The following KIAA0825 variants were observed in gnomAD, a reference collection of about 807,000 sequenced individuals.
KIAA0825 encodes KIAA0825.
In KIAA0825, 119 loss-of-function variants were observed where a neutral mutation model predicts 147.6. The ratio of observed to expected loss-of-function variants is 0.81; its 90% CI spans 0.69 to 0.94. The LOEUF is 0.94. Ranked by LOEUF, KIAA0825 falls within the 40% of genes least tolerant of loss-of-function variation. KIAA0825 has a pLI of 0.00. For synonymous variants in KIAA0825, 470 were observed against 518.1 expected (o/e 0.91, Z 1.26); for missense variants, 1,381 against 1,472.7 (o/e 0.94, Z 1.02).
intron 1 of KIAA0825, among the ~76,000 whole-genome samples, chr5:94,613,077 T>G (rs1789341994): frequency 2.0e-5 from 3 of 152,244 alleles, no homozygotes; most frequent in Admixed American, 2.0e-4. Flanking sequence ...TTGTTTACAT[T>G]ATACTGCATT....
At chr5:94,444,592 C>T (rs1757504447) in intron 13 of KIAA0825, among the ~76,000 whole-genome samples, 1 of 151,606 alleles carries the variant, frequency 6.6e-6, no homozygotes, top group Non-Finnish European at 1.5e-5. Flanking sequence ...CATAAATCGG[C>T]AGAGATGATG....
At chr5:94,281,998 C>T (rs543088285) in intron 20 of KIAA0825, among the ~76,000 whole-genome samples, 1 of 152,202 alleles carries the variant, frequency 6.6e-6, no homozygotes, top group African/African-American at 2.4e-5. Context: ...ATCTGACTTC[C>T]TCTTCCTTCT....
chr5:94,161,387 T>A (rs536610349), intron 20 of KIAA0825, among the ~76,000 whole-genome samples: 211 of 152,324 alleles, frequency 1.4e-3, no homozygotes, highest in African/African-American at 4.5e-3. Context: ...TCCACCCACA[T>A]GAAATGCCTT....
intron 20 of KIAA0825, among the ~76,000 whole-genome samples, chr5:94,237,184 C>G (rs1775095248): frequency 1.3e-5 from 2 of 151,930 alleles, no homozygotes; most frequent in Admixed American, 1.3e-4. Flanking sequence ...TTAAACTATA[C>G]AAAACTATTC....
intron 1 of KIAA0825, chr5:94,594,931 C>T (rs1238356439): frequency 7.1e-6 from 2 of 281,360 alleles, no homozygotes; most frequent in Non-Finnish European, 1.3e-5. Context: ...CCATGTCTCA[C>T]ATCCAAGGCA....
intron 16 of KIAA0825, among the ~76,000 whole-genome samples, chr5:94,398,781 G>A (rs1214937950): frequency 6.6e-6 from 1 of 152,084 alleles, no homozygotes; most frequent in African/African-American, 2.4e-5. Flanking sequence ...CATTAAAACT[G>A]AATGAGAAGC....
At chr5:94,595,448 C>G (rs1020727950) in intron 1 of KIAA0825, among the ~76,000 whole-genome samples, 6 of 152,178 alleles carry the variant, frequency 3.9e-5, no homozygotes, top group Non-Finnish European at 8.8e-5. Context: ...GCACCAAGTC[C>G]CTAGACTGCA....
At chr5:94,602,075 C>T (rs10076461) in intron 1 of KIAA0825, among the ~76,000 whole-genome samples, 35,423 of 152,040 alleles carry the variant, frequency 0.23, 4,457 homozygotes, top group Non-Finnish European at 0.27. Context: ...GAAGGCTGGG[C>T]GAGGTGGCTC....
chr5:94,604,482 C>T (rs1164398893), intron 1 of KIAA0825, among the ~76,000 whole-genome samples: 1 of 152,052 alleles, frequency 6.6e-6, no homozygotes, highest in African/African-American at 2.4e-5. Flanking sequence ...TCACTTGAAC[C>T]CAGGAAGCGG....
intron 20 of KIAA0825, among the ~76,000 whole-genome samples, chr5:94,305,281 T>C (rs1298920108): frequency 2.6e-5 from 4 of 151,970 alleles, no homozygotes; most frequent in Non-Finnish European, 5.9e-5. Flanking sequence ...TAAAGTTTAC[T>C]TGCAAACAGA....
intron 20 of KIAA0825, among the ~76,000 whole-genome samples, chr5:94,194,112 T>C (rs1014400379): frequency 6.6e-6 from 1 of 152,122 alleles, no homozygotes. Context: ...CTTCCAGGGC[T>C]CACTTTGGAG....
intron 12 of KIAA0825, among the ~76,000 whole-genome samples, 164 bp from the exon 13 acceptor site, chr5:94,453,233 T>G (rs1758642125): frequency 6.6e-6 from 1 of 152,060 alleles, no homozygotes; most frequent in Admixed American, 6.6e-5. Flanking sequence ...AGTGTAGTGG[T>G]GCGATTCCGG....
At chr5:94,290,019 T>C (rs1777818334) in intron 20 of KIAA0825, among the ~76,000 whole-genome samples, 1 of 151,438 alleles carries the variant, frequency 6.6e-6, no homozygotes, top group African/African-American at 2.5e-5. Flanking sequence ...AAAGCCCTTG[T>C]CCTACTGACT....
chr5:94,419,771 C>T (rs550116818), intron 14 of KIAA0825, among the ~76,000 whole-genome samples: 58 of 152,116 alleles, frequency 3.8e-4, no homozygotes, highest in African/African-American at 1.3e-3. Flanking sequence ...TAATTATTAC[C>T]GCAACATAAG....
chr5:94,611,192 C>A (rs1250547187), intron 1 of KIAA0825, among the ~76,000 whole-genome samples: 2 of 152,090 alleles, frequency 1.3e-5, no homozygotes, highest in African/African-American at 4.8e-5. Context: ...TTCCAGGAAG[C>A]ATGATAAAAA....
intron 20 of KIAA0825, among the ~76,000 whole-genome samples, chr5:94,197,906 A>G (rs1369308050): frequency 1.3e-5 from 2 of 152,076 alleles, no homozygotes; most frequent in Non-Finnish European, 2.9e-5. Context: ...GGTAGTGTGA[A>G]GCCTCTGGCT....
chr5:94,296,905 T>G (rs1450619549), intron 20 of KIAA0825, among the ~76,000 whole-genome samples: 1 of 152,188 alleles, frequency 6.6e-6, no homozygotes, highest in African/African-American at 2.4e-5. Context: ...TTGGTCTGTA[T>G]TTTACTATCA....
chr5:94,271,175 A>T (rs1001375756), intron 20 of KIAA0825, among the ~76,000 whole-genome samples: 2 of 152,186 alleles, frequency 1.3e-5, no homozygotes, highest in Non-Finnish European at 2.9e-5. Flanking sequence ...TAAAGAAAAC[A>T]TTATAAGAAC....
At chr5:94,328,666 GAT>G (rs1315646002) in intron 20 of KIAA0825, among the ~76,000 whole-genome samples, 5 of 151,704 alleles carry the variant, frequency 3.3e-5, no homozygotes, top group African/African-American at 1.2e-4. Flanking sequence ...ATTATAATAA[GAT>G]ATACTGAGGA....
Sources: gnomAD v4.1 joint callset for allele counts (sites outside exome capture counted in the v4.1 genomes callset) on GRCh38, gnomAD v4.1.1 for gene constraint, MANE v1.5 for transcripts, NCBI Gene and HGNC (gene_info 2026-07-23, HGNC 2026-07-21) for gene names.